Variants in PLCE1 observed in about 807,000 individuals in gnomAD.
The protein encoded by PLCE1 is 1-phosphatidylinositol 4,5-bisphosphate phosphodiesterase epsilon-1.
Under a neutral mutation model 242.8 loss-of-function variants are expected in PLCE1, and 119 were observed. The observed-to-expected ratio is 0.49, with a 90% confidence interval of 0.42 to 0.57. PLCE1 has a LOEUF of 0.57. Ranked by LOEUF, PLCE1 falls within the 20% of genes least tolerant of loss-of-function variation. The probability of loss-of-function intolerance (pLI) is 0.00; values close to 1 mark genes in which losing one functional copy is unlikely to be tolerated. For missense variants in PLCE1, 2,441 were observed against 2,788.8 expected (o/e 0.88, Z 2.81); for synonymous variants, 945 against 1,017.4 (o/e 0.93, Z 1.35).
chr10:94,168,324 G>A (rs191070841), intron 3 of PLCE1, among the ~76,000 whole-genome samples: 93 of 152,304 alleles, frequency 6.1e-4, no homozygotes, highest in African/African-American at 2.1e-3. Context: ...CTAAAAGTAT[G>A]GAACTTAGAA....
At chr10:94,226,610 G>T (rs2049948205) in intron 4 of PLCE1, among the ~76,000 whole-genome samples, 1 of 151,714 alleles carries the variant, frequency 6.6e-6, no homozygotes, top group African/African-American at 2.4e-5. Context: ...TTGATATTAT[G>T]TATTTTAATA....
At chr10:94,213,598 G>C (rs558946971) in intron 4 of PLCE1, among the ~76,000 whole-genome samples, 1 of 152,210 alleles carries the variant, frequency 6.6e-6, no homozygotes, top group Admixed American at 6.5e-5. Flanking sequence ...CCATTGATAT[G>C]TTCTTTCTGA....
At chr10:94,315,769 C>CAAAA (rs10572287) in intron 28 of PLCE1, among the ~76,000 whole-genome samples, 2 of 122,866 alleles carry the variant, frequency 1.6e-5, no homozygotes, top group Admixed American at 8.4e-5. Flanking sequence ...GACTCTGTCT[C>CAAAA]AAAAAAAAAA....
At chr10:94,234,008 A>G (rs558242167) in intron 5 of PLCE1, 46 bp from the exon 6 acceptor site, 1 of 1,546,346 alleles carries the variant, frequency 6.5e-7, no homozygotes, top group South Asian at 1.1e-5. Context: ...GCTGTAAACT[A>G]TATTATTTCT....
chr10:94,048,561 T>C (rs2043663712), intron 2 of PLCE1, among the ~76,000 whole-genome samples: 1 of 151,570 alleles, frequency 6.6e-6, no homozygotes, highest in Non-Finnish European at 1.5e-5. Flanking sequence ...TGTGTTTTAA[T>C]TGGCCGTGTA....
At chr10:94,191,642 GAAAAA>G (rs199850622) in intron 4 of PLCE1, among the ~76,000 whole-genome samples, 1 of 149,552 alleles carries the variant, frequency 6.7e-6, no homozygotes, top group Non-Finnish European at 1.5e-5. Context: ...CCCTTTCTCA[GAAAAA>G]AAAAGTGGGG....
intron 29 of PLCE1, among the ~76,000 whole-genome samples, chr10:94,317,576 C>T (rs1449269050): frequency 6.6e-6 from 1 of 152,060 alleles, no homozygotes; most frequent in African/African-American, 2.4e-5. Context: ...GAACTTCATA[C>T]AAAGTAAGAA....
chr10:94,078,519 G>A (rs932041233), intron 2 of PLCE1, among the ~76,000 whole-genome samples: 5 of 150,636 alleles, frequency 3.3e-5, no homozygotes, highest in African/African-American at 4.9e-5. Context: ...ACAGAGTCTC[G>A]CTCTGTCACC....
intron 1 of PLCE1, among the ~76,000 whole-genome samples, chr10:94,021,444 A>G (rs984186159): frequency 1.3e-5 from 2 of 151,968 alleles, no homozygotes; most frequent in African/African-American, 2.4e-5. Flanking sequence ...TGTGCATGGT[A>G]TGACATGGGG....
chr10:94,223,124 G>T (rs1261790595), intron 4 of PLCE1, among the ~76,000 whole-genome samples: 2 of 151,404 alleles, frequency 1.3e-5, no homozygotes, highest in African/African-American at 4.9e-5. Flanking sequence ...GCCAGGCCGT[G>T]TGTGGTGGAT....
chr10:94,258,936 T>C lies in PLCE1; in HGVS notation c.3677+14T>C, dbSNP rs201692841. 2.8e-5 allele frequency: 46 copies of C among 1,614,066 alleles called. No individual in the cohort carries two copies. The African/African-American group carries it at 5.7e-4, about 20-fold the overall frequency. On this transcript the variant is annotated intron_variant, in intron 12 of 32. Coordinates refer to ENST00000371380, the MANE Select transcript of PLCE1 (RefSeq NM_016341.4). ...CAAATCATTCAGGTACAGTCTTATG[T>C]TTCCTTCTTATTCTTTCTCAGGCCC...
chr10:94,123,742 G>A (rs1304995796), intron 2 of PLCE1, among the ~76,000 whole-genome samples: 1 of 152,194 alleles, frequency 6.6e-6, no homozygotes, highest in Non-Finnish European at 1.5e-5. Flanking sequence ...AGATTCCAAA[G>A]TTAGAAAAGA....
At chr10:94,009,770 T>A (rs1365056848) in intron 1 of PLCE1, among the ~76,000 whole-genome samples, 1 of 152,220 alleles carries the variant, frequency 6.6e-6, no homozygotes, top group African/African-American at 2.4e-5. Context: ...TCCAATATAA[T>A]CCTTGACTCC....
intron 2 of PLCE1, among the ~76,000 whole-genome samples, chr10:94,103,028 A>G (rs906598110): frequency 2.0e-5 from 3 of 152,230 alleles, no homozygotes; most frequent in African/African-American, 7.2e-5. Context: ...TTAAAAGCCA[A>G]TATAAAAACT....
At chr10:94,135,913 T>A (rs1255797389) in intron 3 of PLCE1, among the ~76,000 whole-genome samples, 1 of 152,212 alleles carries the variant, frequency 6.6e-6, no homozygotes, top group East Asian at 1.9e-4. Context: ...CTTGTACCTA[T>A]ATGAAGGAGT....
At chr10:94,099,641 A>G (rs776165372) in intron 2 of PLCE1, 8 of 152,252 alleles carry the variant, frequency 5.3e-5, no homozygotes, top group Non-Finnish European at 1.2e-4. Context: ...ACAAATGCTC[A>G]AAAGTATTTG....
At chr10:94,095,507 C>T (rs7906206) in intron 2 of PLCE1, among the ~76,000 whole-genome samples, 2,237 of 152,216 alleles carry the variant, frequency 0.015, 54 homozygotes, top group African/African-American at 0.04. Flanking sequence ...CAGGCATGCA[C>T]CACTGCACCT....
At chr10:94,098,874 C>G (rs74151035) in intron 2 of PLCE1, among the ~76,000 whole-genome samples, 4,285 of 152,244 alleles carry the variant, frequency 0.028, 188 homozygotes, top group African/African-American at 0.097. Context: ...AGCTGATACT[C>G]CTCGTGGTTC....
At chr10:94,163,544 G>T (rs925331586) in intron 3 of PLCE1, among the ~76,000 whole-genome samples, 1 of 151,968 alleles carries the variant, frequency 6.6e-6, no homozygotes, top group Non-Finnish European at 1.5e-5. Context: ...TTGAGCCTAT[G>T]TGTGTCTCTG....
Sources: gnomAD v4.1 joint callset for allele counts (sites outside exome capture counted in the v4.1 genomes callset) on GRCh38, gnomAD v4.1.1 for gene constraint, MANE v1.5 for transcripts, NCBI Gene and HGNC (gene_info 2026-07-23, HGNC 2026-07-21) for gene names.